The following TARS3 variants were observed in gnomAD, a reference collection of about 807,000 sequenced individuals.
TARS3 encodes the protein threonine--tRNA ligase 2, cytoplasmic.
A neutral mutation model predicts 103.5 loss-of-function variants in TARS3; 94 were observed. The observed-to-expected ratio is 0.91, with a 90% CI of 0.77 to 1.08. TARS3 has a LOEUF of 1.08. TARS3 is among the 50% of genes least tolerant of loss of function. TARS3 has a pLI of 0.00. For missense variants in TARS3, 952 were observed against 995.2 expected (o/e 0.96, Z 0.58); for synonymous variants, 416 against 355.4 (o/e 1.17, Z -1.92).
rs1304163490 is a variant in TARS3 at position 101,653,683 on chromosome 15, ATTAT to A, written c.*895_*898del. The A allele has an allele frequency of 6.6e-6, 1 of 152,230 alleles. No individual in the cohort carries two copies. The highest frequency in any genetic ancestry group is 1.5e-5 in the Non-Finnish European group (1 of 68,044). 9.4% of individuals were successfully genotyped at this position (152,230 alleles called of 1,614,324 possible). On this transcript the variant is annotated 3_prime_UTR_variant, in exon 19 of 19. Coordinates refer to ENST00000335968, the MANE Select transcript of TARS3 (RefSeq NM_152334.3). ...TAAATGATCAGTATATTGAAAAGAG[ATTAT>A]TTCTTACATTTCTTTTGAATTTCAC... is the stretch of plus-strand genomic sequence containing the variant.
Position 101,705,289 on chromosome 15 carries a change from G to C in TARS3, c.995+394C>G, listed in dbSNP as rs146417229. 7.6e-4 allele frequency among the ~76,000 whole-genome samples: 115 copies of C among 152,264 alleles called. 3 individuals carry two copies. The East Asian group carries it at 0.021, about 27-fold the overall frequency. On this transcript the variant is annotated intron_variant, in intron 7 of 18. Coordinates refer to ENST00000335968, the MANE Select transcript of TARS3 (RefSeq NM_152334.3). ...GTACACTTGGACTCTGGACAATGGG[G>C]CAGACTCTTCTACACTTGCACTCTG... is the stretch of plus-strand genomic sequence containing the variant.
At chr15:101,665,525 G>A (rs28550892) in intron 15 of TARS3, among the ~76,000 whole-genome samples, 21,191 of 152,184 alleles carry the variant, frequency 0.14, 1,987 homozygotes, top group African/African-American at 0.26. Context: ...AGTGGCACAC[G>A]TGCAAATAGC....
intron 17 of TARS3, 27 bp from the exon 18 acceptor site, chr15:101,657,063 G>A (rs1305311051): frequency 6.9e-7 from 1 of 1,451,642 alleles, no homozygotes; most frequent in South Asian, 1.2e-5. Flanking sequence ...CACCTTTACT[G>A]TTACATTATG....
chr15:101,705,851 C>T, intron 6 of TARS3, 104 bp from the exon 7 acceptor site: 1 of 970,284 alleles, frequency 1.0e-6, no homozygotes, highest in Non-Finnish European at 1.6e-6. Context: ...TACTGATGTT[C>T]TAGGTGCTGA....
chr15:101,654,737 AAAAG>A lies in TARS3; in HGVS notation c.2261-11_2261-8del, dbSNP rs1427725374. The stretch of plus-strand genomic sequence containing the variant: ...TTTTCCTTTTCTCCAACCACTGCAG[AAAAG>A]AAAGGTAAAGAAATGTATTTTAAAT... On this transcript the variant is annotated splice_polypyrimidine_tract_variant and splice_region_variant and intron_variant, in intron 18 of 18. Transcript: ENST00000335968. 3.1e-6 allele frequency: 5 copies of A among 1,612,514 alleles called. No homozygotes were observed. Among genetic ancestry groups the A allele is most frequent in the African/African-American group, 2.7e-5 (2 of 74,934 alleles).
At chr15:101,680,035 T>C (rs1898195923) in intron 12 of TARS3, among the ~76,000 whole-genome samples, 1 of 152,276 alleles carries the variant, frequency 6.6e-6, no homozygotes, top group Admixed American at 6.5e-5. Context: ...CCTCATTACT[T>C]CCAGGGGAGG....
At chr15:101,683,758 A>T (rs1432134036) in intron 12 of TARS3, among the ~76,000 whole-genome samples, 1 of 152,266 alleles carries the variant, frequency 6.6e-6, no homozygotes. Context: ...AACTTGAATT[A>T]ACACAAAAAC....
intron 11 of TARS3, 120 bp from the exon 12 acceptor site, chr15:101,684,357 G>A: frequency 9.9e-7 from 1 of 1,010,146 alleles, no homozygotes; most frequent in South Asian, 2.6e-5. Context: ...CTAGTTCTTA[G>A]ATCACCAGGT....
chr15:101,710,531 G>C (rs1899808506), intron 5 of TARS3, among the ~76,000 whole-genome samples: 1 of 152,158 alleles, frequency 6.6e-6, no homozygotes, highest in African/African-American at 2.4e-5. Context: ...TCAGAATTGA[G>C]TTCAATCATT....
intron 10 of TARS3, among the ~76,000 whole-genome samples, chr15:101,690,074 C>G (rs144189836): frequency 1.4e-4 from 22 of 152,338 alleles, no homozygotes; most frequent in African/African-American, 5.1e-4. Context: ...GATGACACAT[C>G]GGCTGATCGG....
intron 10 of TARS3, among the ~76,000 whole-genome samples, chr15:101,689,725 C>T (rs563381222): frequency 1.3e-5 from 2 of 152,280 alleles, no homozygotes; most frequent in South Asian, 4.1e-4. Context: ...CTCGTCAACA[C>T]CTTGATTTCA....
chr15:101,716,672 TACTC>T (rs768125266), intron 3 of TARS3, among the ~76,000 whole-genome samples: 4 of 152,190 alleles, frequency 2.6e-5, no homozygotes, highest in African/African-American at 7.2e-5. Flanking sequence ...ACATATATCT[TACTC>T]AATTATTTTC....
chr15:101,699,533 G>T lies in TARS3; in HGVS notation c.1320+1553C>A, dbSNP rs1899151174. 1.4e-5 allele frequency: 6 copies of T among 437,142 alleles called. 1 individual carries two copies. Among genetic ancestry groups the T allele is most frequent in the South Asian group, 8.1e-5 (5 of 61,526 alleles). 27.1% of individuals were successfully genotyped at this position (437,142 alleles called of 1,614,324 possible). A position where few individuals can be genotyped will look rare whatever the true frequency, so the allele number is the denominator to read the frequency against. Reference sequence around the variant, plus strand: ...AACTTGAGAGTACAAGGTGCCAGGGGCCATGCTGATTTTCCAGAGAAGACA... The same window carrying T: ...AACTTGAGAGTACAAGGTGCCAGGGTCCATGCTGATTTTCCAGAGAAGACA... On this transcript the variant is annotated intron_variant, in intron 10 of 18. Coordinates refer to ENST00000335968, the MANE Select transcript of TARS3 (RefSeq NM_152334.3).
intron 16 of TARS3, among the ~76,000 whole-genome samples, chr15:101,660,665 T>C (rs1402081059): frequency 1.3e-5 from 2 of 152,242 alleles, no homozygotes; most frequent in Admixed American, 6.5e-5. Context: ...CCCCAGGTTA[T>C]GGTACCATCC....
chr15:101,700,934 G>A, intron 10 of TARS3, 152 bp downstream of exon 10: 1 of 542,416 alleles, frequency 1.8e-6, no homozygotes, highest in Non-Finnish European at 3.2e-6. Context: ...GAGCCACCGT[G>A]TCTGGCCAGT....
chr15:101,665,987 C>T (rs1404243260), intron 15 of TARS3, among the ~76,000 whole-genome samples: 1 of 152,112 alleles, frequency 6.6e-6, no homozygotes, highest in African/African-American at 2.4e-5. Context: ...CCAATAAATG[C>T]AAACATTGGA....
chr15:101,693,529 T>A (rs750685083), intron 10 of TARS3, among the ~76,000 whole-genome samples: 16 of 152,188 alleles, frequency 1.1e-4, no homozygotes, highest in Non-Finnish European at 2.4e-4. Flanking sequence ...TATCACCATA[T>A]GACCCTGAAA....
At chr15:101,676,659 C>T (rs1156750797) in intron 12 of TARS3, among the ~76,000 whole-genome samples, 1 of 149,634 alleles carries the variant, frequency 6.7e-6, no homozygotes, top group Non-Finnish European at 1.5e-5. Context: ...CCACCATGCT[C>T]GGCTAATTTT....
chr15:101,661,289 G>T (rs752007364), intron 16 of TARS3, among the ~76,000 whole-genome samples: 6 of 151,694 alleles, frequency 4.0e-5, no homozygotes, highest in Admixed American at 2.0e-4. Flanking sequence ...CTCCTCAGTG[G>T]CTGTAGGGAA....
Sources: allele counts gnomAD v4.1 joint callset (sites outside exome capture counted in the v4.1 genomes callset), GRCh38; gene constraint gnomAD v4.1.1; transcripts MANE v1.5; gene names NCBI Gene and HGNC (gene_info 2026-07-23, HGNC 2026-07-21).